SEC14L5: variants seen among roughly 807,000 people sequenced by gnomAD.
The protein encoded by SEC14L5 is SEC14-like protein 5.
Under a neutral mutation model 84.6 loss-of-function variants are expected in SEC14L5, and 96 were observed. The observed-to-expected ratio is 1.13, with a 90% CI of 0.96 to 1.34. The LOEUF (loss-of-function observed/expected upper bound fraction) is 1.34, where lower values mean the gene tolerates loss of function less well. Ranked by LOEUF, SEC14L5 falls within the 40% of genes most tolerant of loss-of-function variation. The pLI is 0.00. For missense variants in SEC14L5, 1,224 were observed against 942.5 expected (o/e 1.30, Z -3.91); for synonymous variants, 546 against 383.4 (o/e 1.42, Z -4.95).
intron 2 of SEC14L5, 103 bp from the exon 3 acceptor site, chr16:4,987,454 C>G: frequency 1.9e-6 from 2 of 1,031,140 alleles, no homozygotes; most frequent in Non-Finnish European, 2.7e-6. Flanking sequence ...CCAGGGCTGC[C>G]TTTCCCGTCT....
rs745563828 is a variant in SEC14L5, at chr16:4,992,045, C to T, written c.667+15C>T. 8 of 1,523,774 alleles carry T rather than the reference C, an allele frequency of 5.3e-6. No individual in the cohort carries two copies. The African/African-American group carries it at 9.7e-5, about 18-fold the overall frequency. 94.4% of individuals were successfully genotyped at this position (1,523,774 alleles called of 1,614,324 possible). A position where few individuals can be genotyped will look rare whatever the true frequency, so the allele number is the denominator to read the frequency against. ...CAGTATGGACGGTAGGTGGTACAGC[C>T]CAGGCCAGTCAGCCCTAGGAGGCTG... On this transcript the variant is annotated intron_variant, in intron 6 of 15. Coordinates refer to ENST00000251170, the MANE Select transcript of SEC14L5 (RefSeq NM_014692.2).
Position 5,007,371 on chromosome 16 carries a change from G to C in SEC14L5, c.1457G>C (p.Gly486Ala), listed in dbSNP as rs1485089286. The change falls in exon 13 of 16, where the codon GGG becomes GCG. Residue 486 changes from glycine (G) to alanine (A), a missense_variant. Gly to Ala is a moderately conservative substitution (Grantham distance 60). Coordinates refer to ENST00000251170, the MANE Select transcript of SEC14L5 (RefSeq NM_014692.2). ...GESVCNVPEG[G>A]LVPKSLYMTE... ...CTGCAGTGTAATGTCCCCGAAGGAGGGCTGGTCCCCAAGTCCCTCTACATG... is the reference window on the plus strand; with the variant it reads ...CTGCAGTGTAATGTCCCCGAAGGAGCGCTGGTCCCCAAGTCCCTCTACATG... 2 of 1,613,876 alleles carry C rather than the reference G, an allele frequency of 1.2e-6. No individual in the cohort carries two copies. Among genetic ancestry groups the C allele is most frequent in the African/African-American group, 2.7e-5 (2 of 75,042 alleles).
At chr16:4,963,929 C>T (rs1955161635) in intron 2 of SEC14L5, among the ~76,000 whole-genome samples, 2 of 152,236 alleles carry the variant, frequency 1.3e-5, no homozygotes, top group South Asian at 4.1e-4. Context: ...TCAAGTGATC[C>T]TCCCACCCTG....
chr16:4,999,017 C>T (rs1319848429), intron 8 of SEC14L5, among the ~76,000 whole-genome samples: 5 of 152,162 alleles, frequency 3.3e-5, no homozygotes, highest in Non-Finnish European at 5.9e-5. Context: ...TTGAATGACG[C>T]GGCTCCTGCC....
intron 8 of SEC14L5, among the ~76,000 whole-genome samples, chr16:4,997,480 T>G (rs565303763): frequency 1.3e-5 from 2 of 152,320 alleles, no homozygotes; most frequent in South Asian, 4.1e-4. Context: ...TAGAAATGCT[T>G]TGAAGTGACA....
chr16:5,001,289 C>G (rs567123318), intron 10 of SEC14L5, among the ~76,000 whole-genome samples: 3 of 146,054 alleles, frequency 2.1e-5, no homozygotes, highest in Non-Finnish European at 4.5e-5. Context: ...AACGGAGTCT[C>G]GCTCTGTCGC....
At chr16:4,963,898 C>A (rs1054178511) in intron 2 of SEC14L5, among the ~76,000 whole-genome samples, 2 of 151,242 alleles carry the variant, frequency 1.3e-5, no homozygotes, top group South Asian at 2.1e-4. Context: ...TGTTGCCCAG[C>A]CTGGTCTTGA....
At chr16:5,014,017 C>T (rs770466623) in intron 15 of SEC14L5, among the ~76,000 whole-genome samples, 5 of 152,232 alleles carry the variant, frequency 3.3e-5, no homozygotes, top group African/African-American at 1.2e-4. Context: ...TAACAAGCTC[C>T]GGGCACTGCT....
At chr16:4,975,472 CAAAAAAAAAAA>C (rs55786860) in intron 2 of SEC14L5, among the ~76,000 whole-genome samples, 1 of 77,324 alleles carries the variant, frequency 1.3e-5, no homozygotes, top group Non-Finnish European at 2.2e-5. Flanking sequence ...AACTCCATCT[CAAAAAAAAAAA>C]AAAAAAAAAG....
At chr16:5,003,964 G>C (rs890441340) in intron 11 of SEC14L5, among the ~76,000 whole-genome samples, 2 of 152,206 alleles carry the variant, frequency 1.3e-5, no homozygotes, top group Admixed American at 1.3e-4. Flanking sequence ...GGGTACACGC[G>C]TGCATGCACC....
At chr16:4,962,868 A>G (rs1467133422) in intron 2 of SEC14L5, among the ~76,000 whole-genome samples, 1 of 152,170 alleles carries the variant, frequency 6.6e-6, no homozygotes, top group Non-Finnish European at 1.5e-5. Context: ...TTTACAAAAC[A>G]TTATTGTCCC....
intron 2 of SEC14L5, among the ~76,000 whole-genome samples, chr16:4,969,979 G>A (rs112552426): frequency 6.9e-4 from 105 of 152,110 alleles, no homozygotes; most frequent in African/African-American, 2.4e-3. Context: ...AACCATGCTA[G>A]GCTAATGTTT....
rs192531932 is a variant in SEC14L5 at position 4,972,618 on chromosome 16, G to A, written c.63+13232G>A. 5.3e-5 allele frequency among the ~76,000 whole-genome samples: 8 copies of A among 152,318 alleles called. No individual in the cohort carries two copies. The East Asian group carries it at 1.5e-3, about 29-fold the overall frequency. ...CTTTTGTCTCTGGCTCGTTTCACTG[G>A]ACACAATGTCTTCCAGGTTCAGCCG... On this transcript the variant is annotated intron_variant, in intron 2 of 15. Coordinates refer to ENST00000251170, the MANE Select transcript of SEC14L5 (RefSeq NM_014692.2).
At chr16:4,997,448 C>T (rs1955624814) in intron 8 of SEC14L5, among the ~76,000 whole-genome samples, 1 of 152,146 alleles carries the variant, frequency 6.6e-6, no homozygotes, top group South Asian at 2.1e-4. Flanking sequence ...TACTATTTTT[C>T]CTTTTGACTC....
rs1388350955 is a variant in SEC14L5, at chr16:4,959,277, T to C, written c.-47T>C. On this transcript the variant is annotated 5_prime_UTR_variant, in exon 2 of 16. Coordinates refer to ENST00000251170, the MANE Select transcript of SEC14L5 (RefSeq NM_014692.2). ...ACCAGTCACTCCTCGCCCCAGGCTC[T>C]GTGCACACCCCTGCCTGGTGACCTC... is the stretch of plus-strand genomic sequence containing the variant. 2.0e-6 allele frequency: 3 copies of C among 1,493,238 alleles called. No homozygotes were observed. Among genetic ancestry groups the C allele is most frequent in the Non-Finnish European group, 2.8e-6 (3 of 1,069,838 alleles). The allele number at this position is 1,493,238 out of a possible 1,614,324, so 92.5% of individuals were successfully genotyped here. A position where few individuals can be genotyped will look rare whatever the true frequency, so the allele number is the denominator to read the frequency against.
chr16:4,983,877 CAAATAAATAAATAAATAAAT>C (rs71139670), intron 2 of SEC14L5, among the ~76,000 whole-genome samples: 18 of 144,166 alleles, frequency 1.2e-4, no homozygotes, highest in Admixed American at 5.7e-4. Context: ...AACTCTGTCT[CAAATAAATAAATAAATAAAT>C]AAATAAATAA....
chr16:4,962,552 G>T (rs1468292649), intron 2 of SEC14L5, among the ~76,000 whole-genome samples: 1 of 152,090 alleles, frequency 6.6e-6, no homozygotes, highest in Non-Finnish European at 1.5e-5. Flanking sequence ...GCTGGGTATG[G>T]TGGCAAGCAC....
chr16:4,987,867 A>C lies in SEC14L5; in HGVS notation c.213+161A>C, dbSNP rs112900363. Among the ~76,000 whole-genome samples the C allele has an allele frequency of 7.8e-3, 1,193 of 152,032 alleles. 11 individuals are homozygous for C. Among genetic ancestry groups the C allele is most frequent in the African/African-American group, 0.027 (1,114 of 41,466 alleles). On this transcript the variant is annotated intron_variant, in intron 3 of 15. Coordinates refer to ENST00000251170, the MANE Select transcript of SEC14L5 (RefSeq NM_014692.2). ...GAGGTTCCAGGATGAGGGTGGCGGG[A>C]CCAGGGCCCAGGAGGGGCGAGGGCT...
chr16:4,986,927 A>G (rs531369889), intron 2 of SEC14L5, among the ~76,000 whole-genome samples: 1 of 152,270 alleles, frequency 6.6e-6, no homozygotes, highest in South Asian at 2.1e-4. Flanking sequence ...TTTTGTGTGT[A>G]CGTGTGTGGA....
Sources: gnomAD v4.1 joint callset for allele counts (sites outside exome capture counted in the v4.1 genomes callset) on GRCh38, gnomAD v4.1.1 for gene constraint, MANE v1.5 for transcripts, NCBI Gene and HGNC (gene_info 2026-07-23, HGNC 2026-07-21) for gene names.